ATP8A2: variants seen among roughly 807,000 people sequenced by gnomAD.
ATP8A2 encodes the protein ATPase phospholipid transporting 8A2.
A neutral mutation model predicts 165.6 loss-of-function variants in ATP8A2; 100 were observed. The observed-to-expected ratio is 0.60, with a 90% CI of 0.51 to 0.71. The LOEUF (loss-of-function observed/expected upper bound fraction) is 0.71. Among genes scored for constraint, ATP8A2 ranks in the 30% least tolerant of loss-of-function variants. The pLI is 0.00. For missense variants in ATP8A2, 1,227 were observed against 1,479.5 expected (o/e 0.83, Z 2.80); for synonymous variants, 543 against 548.8 (o/e 0.99, Z 0.15).
Position 25,770,724 on chromosome 13 carries a change from G to A in ATP8A2, c.2568+1495G>A, listed in dbSNP as rs1012547748. ...ACCCAGAAAACCTAGACATCACAGC[G>A]AATGCAGGGCCTGTCCCTCTGTCTC... On this transcript the variant is annotated intron_variant, in intron 26 of 36. Transcript: ENST00000381655. 4.6e-5 allele frequency among the ~76,000 whole-genome samples: 7 copies of A among 152,236 alleles called. No individual in the cohort carries two copies. The East Asian group carries it at 9.7e-4, about 21-fold the overall frequency.
At chr13:25,403,965 C>G (rs1180269156) in intron 1 of ATP8A2, among the ~76,000 whole-genome samples, 1 of 152,218 alleles carries the variant, frequency 6.6e-6, no homozygotes, top group East Asian at 1.9e-4. Context: ...TCCATGCATT[C>G]ATTCACTCAT....
At chr13:25,584,590 C>A (rs533324927) in intron 23 of ATP8A2, among the ~76,000 whole-genome samples, 46 of 152,256 alleles carry the variant, frequency 3.0e-4, no homozygotes, top group African/African-American at 1.1e-3. Context: ...TTAATATTTA[C>A]ATATGAACAT....
intron 27 of ATP8A2, among the ~76,000 whole-genome samples, chr13:25,802,453 A>G (rs528407298): frequency 8.5e-5 from 13 of 152,346 alleles, no homozygotes; most frequent in South Asian, 6.2e-4. Context: ...GGCATATTTT[A>G]ATTAGGAAAT....
intron 33 of ATP8A2, among the ~76,000 whole-genome samples, chr13:25,954,920 C>A (rs563935913): frequency 7.9e-5 from 12 of 152,262 alleles, no homozygotes; most frequent in African/African-American, 2.9e-4. Context: ...CTGAAAATTT[C>A]AAAAACGAGA....
chr13:25,519,391 G>A (rs1468243696), intron 2 of ATP8A2, among the ~76,000 whole-genome samples: 1 of 150,710 alleles, frequency 6.6e-6, no homozygotes, highest in African/African-American at 2.4e-5. Flanking sequence ...TTTTAATCTC[G>A]TTTCTCCTCT....
intron 1 of ATP8A2, among the ~76,000 whole-genome samples, chr13:25,459,194 T>A (rs2035440840): frequency 6.6e-6 from 1 of 152,168 alleles, no homozygotes; most frequent in African/African-American, 2.4e-5. Context: ...AGCTAAAGCA[T>A]CCTTATTCAA....
At chr13:25,935,560 T>C (rs1389783166) in intron 33 of ATP8A2, among the ~76,000 whole-genome samples, 1 of 152,224 alleles carries the variant, frequency 6.6e-6, no homozygotes, top group Non-Finnish European at 1.5e-5. Flanking sequence ...CATCTGCTCC[T>C]GGTGAGGGCC....
chr13:25,468,890 C>T lies in ATP8A2; in HGVS notation c.77-87C>T, dbSNP rs938492112. 3.8e-6 allele frequency: 6 copies of T among 1,565,298 alleles called. No homozygotes were observed. In the Admixed American group the frequency reaches 5.3e-5, roughly 14 times the overall value. On this transcript the variant is annotated intron_variant, in intron 1 of 36. Coordinates refer to ENST00000381655, the MANE Select transcript of ATP8A2 (RefSeq NM_016529.6). ...CCGAGCATCCTTCCCCGCCGGTGGC[C>T]GCCCGCCCGCGGCCCGCGCTCGCAG...
intron 25 of ATP8A2, among the ~76,000 whole-genome samples, chr13:25,740,626 T>G (rs1330049797): frequency 6.6e-6 from 1 of 152,228 alleles, no homozygotes; most frequent in African/African-American, 2.4e-5. Flanking sequence ...GCTTCATGGC[T>G]TTATGGAGTG....
chr13:25,892,202 C>A (rs547012478), intron 33 of ATP8A2, among the ~76,000 whole-genome samples: 1 of 152,064 alleles, frequency 6.6e-6, no homozygotes, highest in African/African-American at 2.4e-5. Flanking sequence ...TGGTCTTGAT[C>A]TCCTGACCTC....
intron 1 of ATP8A2, among the ~76,000 whole-genome samples, chr13:25,462,854 A>C (rs1317102689): frequency 6.6e-6 from 1 of 152,208 alleles, no homozygotes; most frequent in Non-Finnish European, 1.5e-5. Flanking sequence ...ATCACTGCGA[A>C]ATTCCAGGGA....
chr13:25,867,779 T>G (rs1854324747), intron 33 of ATP8A2: 1 of 158,402 alleles, frequency 6.3e-6, no homozygotes, highest in African/African-American at 2.4e-5. Context: ...AGAGCTGGCT[T>G]TCCCATCTGA....
intron 33 of ATP8A2, among the ~76,000 whole-genome samples, chr13:25,927,936 A>G (rs1054819240): frequency 3.3e-5 from 5 of 152,258 alleles, no homozygotes; most frequent in African/African-American, 1.2e-4. Context: ...TTGAAAGCAG[A>G]ACACCCACAT....
intron 2 of ATP8A2, among the ~76,000 whole-genome samples, chr13:25,513,429 C>A (rs1451320351): frequency 2.8e-5 from 4 of 141,274 alleles, no homozygotes; most frequent in Non-Finnish European, 6.5e-5. Flanking sequence ...TCCTCACTTC[C>A]TAGATGTGAT....
intron 24 of ATP8A2, among the ~76,000 whole-genome samples, chr13:25,679,296 A>C (rs1010015843): frequency 6.6e-6 from 1 of 152,176 alleles, no homozygotes; most frequent in African/African-American, 2.4e-5. Flanking sequence ...TGGTAACAGG[A>C]CATTCTGGTT....
intron 24 of ATP8A2, among the ~76,000 whole-genome samples, chr13:25,647,711 G>A (rs1370164396): frequency 1.3e-5 from 2 of 150,384 alleles, no homozygotes; most frequent in Admixed American, 6.6e-5. Context: ...TTTAGATGGA[G>A]TTTCACTCTT....
chr13:25,693,498 C>A (rs1042987285), intron 24 of ATP8A2, among the ~76,000 whole-genome samples: 1 of 151,984 alleles, frequency 6.6e-6, no homozygotes, highest in African/African-American at 2.4e-5. Flanking sequence ...ATTTCAATCC[C>A]AGAGGCAAAG....
chr13:25,668,536 G>A (rs2042201462), intron 24 of ATP8A2, among the ~76,000 whole-genome samples: 2 of 152,188 alleles, frequency 1.3e-5, no homozygotes, highest in South Asian at 4.1e-4. Flanking sequence ...CTTGGAGTTT[G>A]TTGAGCTTTG....
chr13:25,653,961 A>G (rs1419200445), intron 24 of ATP8A2, among the ~76,000 whole-genome samples: 4 of 152,026 alleles, frequency 2.6e-5, no homozygotes, highest in African/African-American at 9.7e-5. Context: ...TGAATGGGAT[A>G]CCTCTGGAGG....
Sources: allele counts gnomAD v4.1 joint callset (sites outside exome capture counted in the v4.1 genomes callset), GRCh38; gene constraint gnomAD v4.1.1; transcripts MANE v1.5; gene names NCBI Gene and HGNC (gene_info 2026-07-23, HGNC 2026-07-21).